SPECC1: variants seen among roughly 807,000 people sequenced by gnomAD.
SPECC1 encodes the protein sperm antigen with calponin homology and coiled-coil domains 1, also known as cytospin-B.
A neutral mutation model predicts 104.1 loss-of-function variants in SPECC1; 62 were observed. The observed-to-expected ratio is 0.60, with a 90% CI of 0.49 to 0.74. SPECC1 has a LOEUF of 0.74. Ranked by LOEUF, SPECC1 falls within the 30% of genes least tolerant of loss-of-function variation. The pLI, the probability that SPECC1 is intolerant of heterozygous loss-of-function variation, is 0.00. For synonymous variants in SPECC1, 513 were observed against 501.6 expected, an observed-to-expected ratio of 1.02 and a Z score of -0.30; for missense variants, 1,306 against 1,310.5, an observed-to-expected ratio of 1.00 and a Z score of 0.05.
chr17:20,193,601 A>G (rs557798091), intron 3 of SPECC1, among the ~76,000 whole-genome samples: 2 of 152,210 alleles, frequency 1.3e-5, no homozygotes, highest in Non-Finnish European at 1.5e-5. Context: ...AGGTCCATTC[A>G]TAACTCTTGA....
At chr17:20,095,401 A>G (rs902635489) in intron 1 of SPECC1, among the ~76,000 whole-genome samples, 1 of 152,348 alleles carries the variant, frequency 6.6e-6, no homozygotes, top group Non-Finnish European at 1.5e-5. Flanking sequence ...CACTGGTAGC[A>G]GCATTCACAG....
At chr17:20,189,425 G>T (rs1007430945) in intron 3 of SPECC1, among the ~76,000 whole-genome samples, 1 of 152,332 alleles carries the variant, frequency 6.6e-6, no homozygotes, top group East Asian at 1.9e-4. Context: ...TGCCTGCTTT[G>T]CACTTTTCAA....
chr17:20,037,399 C>T (rs1231637645), intron 1 of SPECC1, among the ~76,000 whole-genome samples: 1 of 152,016 alleles, frequency 6.6e-6, no homozygotes, highest in Non-Finnish European at 1.5e-5. Flanking sequence ...GATCCACCAG[C>T]GTCAGCCTCC....
chr17:20,133,123 C>A (rs2049741965), intron 3 of SPECC1, among the ~76,000 whole-genome samples: 1 of 152,068 alleles, frequency 6.6e-6, no homozygotes, highest in African/African-American at 2.4e-5. Context: ...TTCATTCCTG[C>A]CATTGGTAAT....
intron 3 of SPECC1, among the ~76,000 whole-genome samples, chr17:20,144,422 C>T (rs2031232095): frequency 1.3e-5 from 2 of 151,852 alleles, no homozygotes; most frequent in Admixed American, 1.3e-4. Context: ...AACTACTGAG[C>T]TCAAGTGATC....
Position 20,270,718 on chromosome 17 carries a change from AAAGT to A in SPECC1, c.2940+10429_2940+10432del, listed in dbSNP as rs200434936. Among the ~76,000 whole-genome samples, 1,056 of 152,072 alleles carry A rather than the reference AAAGT, an allele frequency of 6.9e-3. 6 individuals are homozygous for A. Among genetic ancestry groups the A allele is most frequent in the African/African-American group, 0.023 (939 of 41,480 alleles). On this transcript the variant is annotated intron_variant, in intron 12 of 14. Transcript: ENST00000395527. ...TTGTGAAATAGTGCCAAATTTTTGT[AAAGT>A]AAGTTCCTAGAAGTGAATTTGTTTT... is the stretch of plus-strand genomic sequence containing the variant.
At chr17:20,187,043 A>T (rs2035330127) in intron 3 of SPECC1, among the ~76,000 whole-genome samples, 1 of 149,412 alleles carries the variant, frequency 6.7e-6, no homozygotes, top group South Asian at 2.1e-4. Flanking sequence ...TGAACTTTGG[A>T]TTTTTTTTTT....
intron 1 of SPECC1, among the ~76,000 whole-genome samples, chr17:20,032,234 G>T (rs1232568887): frequency 6.6e-6 from 1 of 152,080 alleles, no homozygotes; most frequent in Non-Finnish European, 1.5e-5. Context: ...TTACCATGGT[G>T]TATCTGTTTG....
chr17:20,199,383 GTTTTTTTTTTTTT>G (rs3077216), intron 3 of SPECC1, among the ~76,000 whole-genome samples: 8 of 62,432 alleles, frequency 1.3e-4, no homozygotes, highest in Admixed American at 4.6e-4. Flanking sequence ...CACCGTGCTG[GTTTTTTTTTTTTT>G]TTTTTTTTTT....
chr17:20,151,406 C>A (rs1489809855), intron 3 of SPECC1, among the ~76,000 whole-genome samples: 1 of 152,166 alleles, frequency 6.6e-6, no homozygotes, highest in African/African-American at 2.4e-5. Flanking sequence ...ATTTTTGCAT[C>A]CATCCTGTCT....
At chr17:20,194,823 G>A (rs570758996) in intron 3 of SPECC1, among the ~76,000 whole-genome samples, 1 of 151,924 alleles carries the variant, frequency 6.6e-6, no homozygotes, top group African/African-American at 2.4e-5. Flanking sequence ...GATTCTTATT[G>A]CACCTTTGCA....
At chr17:20,088,188 G>C (rs1194236898) in intron 1 of SPECC1, among the ~76,000 whole-genome samples, 1 of 152,190 alleles carries the variant, frequency 6.6e-6, no homozygotes, top group South Asian at 2.1e-4. Context: ...GCCACTGGGG[G>C]GTTCTGTGTA....
At chr17:20,032,733 G>A (rs2044868234) in intron 1 of SPECC1, among the ~76,000 whole-genome samples, 1 of 151,038 alleles carries the variant, frequency 6.6e-6, no homozygotes, top group Non-Finnish European at 1.5e-5. Context: ...ATTTATAATG[G>A]TTACTCCAAA....
chr17:20,048,757 T>A (rs998884700), intron 1 of SPECC1, among the ~76,000 whole-genome samples: 1 of 151,862 alleles, frequency 6.6e-6, no homozygotes, highest in Non-Finnish European at 1.5e-5. Context: ...ATTAGCATGA[T>A]GGCACGTGCC....
intron 12 of SPECC1, among the ~76,000 whole-genome samples, chr17:20,264,478 T>G (rs866473410): frequency 0.029 from 3,763 of 131,704 alleles, 218 homozygotes; most frequent in African/African-American, 0.1. Context: ...TTTTTTTTTT[T>G]TTTTTTTTTT....
intron 1 of SPECC1, among the ~76,000 whole-genome samples, chr17:20,049,499 C>T (rs2045661054): frequency 6.6e-6 from 1 of 152,122 alleles, no homozygotes; most frequent in Non-Finnish European, 1.5e-5. Context: ...CTGTTCATTA[C>T]CTGTCACATT....
intron 3 of SPECC1, among the ~76,000 whole-genome samples, chr17:20,150,727 C>G (rs1187376331): frequency 2.0e-5 from 3 of 151,044 alleles, no homozygotes; most frequent in Non-Finnish European, 2.9e-5. Flanking sequence ...GTAAGAATAA[C>G]TGCTGAGCTT....
At chr17:20,308,192 A>C (rs1261919311) in intron 14 of SPECC1, among the ~76,000 whole-genome samples, 2 of 152,086 alleles carry the variant, frequency 1.3e-5, no homozygotes, top group African/African-American at 2.4e-5. Context: ...GTTTGAGACC[A>C]GCCTGGCCAA....
chr17:20,288,440 C>T (rs2041036297), intron 12 of SPECC1, among the ~76,000 whole-genome samples: 2 of 152,058 alleles, frequency 1.3e-5, no homozygotes, highest in South Asian at 2.1e-4. Context: ...ACAGACACTT[C>T]TCAAAAGAAG....
Sources: allele counts gnomAD v4.1 joint callset (sites outside exome capture counted in the v4.1 genomes callset), GRCh38; gene constraint gnomAD v4.1.1; transcripts MANE v1.5; gene names NCBI Gene and HGNC (gene_info 2026-07-23, HGNC 2026-07-21).